Variants in NRG1 observed in about 807,000 individuals in gnomAD.
NRG1 encodes the protein pro-neuregulin-1, membrane-bound isoform.
Under a neutral mutation model 63.8 loss-of-function variants are expected in NRG1, and 18 were observed. The observed-to-expected ratio is 0.28, with a 90% CI of 0.19 to 0.42. The LOEUF (loss-of-function observed/expected upper bound fraction) is 0.42. Among genes scored for constraint, NRG1 ranks in the 10% least tolerant of loss-of-function variants. The probability of loss-of-function intolerance (pLI) is 1.00; values close to 1 mark genes in which losing one functional copy is unlikely to be tolerated. For synonymous variants in NRG1, 302 were observed against 301.3 expected (o/e 1.00, Z -0.02); for missense variants, 762 against 814.7 (o/e 0.94, Z 0.79).
At chr8:32,511,050 G>A (rs1036825846) in intron 1 of NRG1, among the ~76,000 whole-genome samples, 12 of 145,780 alleles carry the variant, frequency 8.2e-5, no homozygotes, top group African/African-American at 2.8e-4. Context: ...AAGAGACAAA[G>A]GCTAATTTTC....
intron 1 of NRG1, among the ~76,000 whole-genome samples, chr8:31,663,568 C>G (rs1266121972): frequency 2.0e-5 from 3 of 152,090 alleles, no homozygotes; most frequent in African/African-American, 4.8e-5. Context: ...TGTGGGTGTC[C>G]TACTGCACCC....
rs1193889989 is a variant in NRG1, at chr8:31,813,491, A to ATTTTCTTTTC, written c.37+174080_37+174089dup. Among the ~76,000 whole-genome samples the ATTTTCTTTTC allele has an allele frequency of 1.2e-3, 136 of 114,940 alleles. 2 individuals carry two copies. The highest frequency in any genetic ancestry group is 4.8e-3 in the East Asian group (13 of 2,696). 75.4% of individuals were successfully genotyped at this position (114,940 alleles called of 152,430 possible). On this transcript the variant is annotated intron_variant, in intron 1 of 10. Coordinates refer to the NRG1 transcript ENST00000519301. ...TTTGATCATTGACTTTGCTACAGGAATTTTCTTTTCTTTTCTTTTCTTTTC... is the reference window on the plus strand; with the variant it reads ...TTTGATCATTGACTTTGCTACAGGAATTTTCTTTTCTTTTCTTTTCTTTTCTTTTCTTTTC...
chr8:32,691,472 C>A (rs774853625), intron 5 of NRG1, among the ~76,000 whole-genome samples: 6 of 152,166 alleles, frequency 3.9e-5, no homozygotes, highest in Non-Finnish European at 8.8e-5. Context: ...CCTATTTTTC[C>A]AGGACCACAT....
At chr8:32,261,889 T>A (rs1228050467) in intron 1 of NRG1, among the ~76,000 whole-genome samples, 1 of 152,212 alleles carries the variant, frequency 6.6e-6, no homozygotes, top group Non-Finnish European at 1.5e-5. Context: ...TTATTAAGAC[T>A]ATCTTGCATT....
chr8:31,640,843 G>T lies in NRG1; in HGVS notation c.37+1412G>T. ...CAAGGCAGAGGCGCTCTGGGTCCCA[G>T]TTGTTGGTTTCAGGGTGGTGGGTTC... On this transcript the variant is annotated intron_variant, in intron 1 of 10. Transcript: ENST00000519301. The surrounding 1 kb of genome is among the most constrained non-coding windows in gnomAD (Gnocchi z 6.3). The T allele has an allele frequency of 3.6e-6, 5 of 1,404,994 alleles. No homozygotes were observed. Among genetic ancestry groups the T allele is most frequent in the East Asian group, 2.8e-5 (1 of 35,630 alleles). The allele number at this position is 1,404,994 out of a possible 1,614,324, so 87.0% of individuals were successfully genotyped here.
At chr8:32,670,326 A>G (rs1182249338) in intron 5 of NRG1, among the ~76,000 whole-genome samples, 1 of 152,096 alleles carries the variant, frequency 6.6e-6, no homozygotes, top group Non-Finnish European at 1.5e-5. Flanking sequence ...GGAAGTTACA[A>G]ATTCATTAAA....
At chr8:32,379,986 T>G (rs1360489084) in intron 1 of NRG1, among the ~76,000 whole-genome samples, 1 of 152,190 alleles carries the variant, frequency 6.6e-6, no homozygotes, top group Non-Finnish European at 1.5e-5. Flanking sequence ...CCTTCTTCCT[T>G]ACTGCACTGC....
chr8:32,344,374 CTTTCTTTCTCTT>C (rs1804517655), intron 1 of NRG1, among the ~76,000 whole-genome samples: 1 of 96,848 alleles, frequency 1.0e-5, no homozygotes, highest in African/African-American at 3.8e-5. Flanking sequence ...TTCTTTCTTT[CTTTCTTTCTCTT>C]TCTTTCTTTT....
chr8:32,291,236 A>T (rs2129474052), intron 1 of NRG1, among the ~76,000 whole-genome samples: 1 of 152,320 alleles, frequency 6.6e-6, no homozygotes, highest in South Asian at 2.1e-4. Flanking sequence ...TTAAATGTTA[A>T]TCTAATCTAA....
intron 1 of NRG1, among the ~76,000 whole-genome samples, chr8:31,958,098 G>GACA (rs1408585042): frequency 7.2e-5 from 11 of 152,070 alleles, no homozygotes; most frequent in Non-Finnish European, 1.3e-4. Context: ...CAGATAGATA[G>GACA]GCAGAGATGT....
At chr8:32,057,106 A>T (rs994421983) in intron 1 of NRG1, among the ~76,000 whole-genome samples, 2 of 152,192 alleles carry the variant, frequency 1.3e-5, no homozygotes, top group Non-Finnish European at 2.9e-5. Flanking sequence ...AAGATGGCAA[A>T]AAGTAGAATA....
At chr8:32,607,689 G>C (rs919519989) in intron 3 of NRG1, among the ~76,000 whole-genome samples, 1 of 152,090 alleles carries the variant, frequency 6.6e-6, no homozygotes, top group Admixed American at 6.5e-5. Flanking sequence ...TGAAGTCTTG[G>C]TCTAGTGATC....
chr8:32,073,377 A>C (rs1015944481), intron 1 of NRG1, among the ~76,000 whole-genome samples: 1 of 152,190 alleles, frequency 6.6e-6, no homozygotes, highest in African/African-American at 2.4e-5. Flanking sequence ...CTAAACTTGG[A>C]GGTAGAAAAT....
chr8:31,808,658 T>C (rs1441527596), intron 1 of NRG1, among the ~76,000 whole-genome samples: 2 of 152,084 alleles, frequency 1.3e-5, no homozygotes, highest in Admixed American at 6.6e-5. Context: ...TTGAGACCTG[T>C]GAGTAAAAAT....
chr8:32,234,169 AG>A (rs1232745383), intron 1 of NRG1, among the ~76,000 whole-genome samples: 3 of 152,226 alleles, frequency 2.0e-5, no homozygotes, highest in Non-Finnish European at 4.4e-5. Flanking sequence ...GAAAGATTGA[AG>A]GTTGCCAAAA....
chr8:32,051,300 A>G (rs969133815), intron 1 of NRG1, among the ~76,000 whole-genome samples: 2 of 152,184 alleles, frequency 1.3e-5, no homozygotes, highest in Admixed American at 6.6e-5. Flanking sequence ...TGCACTTGGA[A>G]TCCAGGGACC....
intron 1 of NRG1, among the ~76,000 whole-genome samples, chr8:31,643,701 T>G (rs1356795944): frequency 6.6e-6 from 1 of 152,242 alleles, no homozygotes; most frequent in Non-Finnish European, 1.5e-5. Flanking sequence ...CTAAGAAATA[T>G]CCTTGGGTTT....
intron 1 of NRG1, among the ~76,000 whole-genome samples, chr8:32,550,710 G>A (rs999129814): frequency 4.6e-5 from 7 of 152,134 alleles, no homozygotes; most frequent in Admixed American, 1.3e-4. Flanking sequence ...GATTAGCTAC[G>A]CTCTCTTGAC....
At chr8:31,831,132 C>T (rs899687524) in intron 1 of NRG1, among the ~76,000 whole-genome samples, 1 of 151,272 alleles carries the variant, frequency 6.6e-6, no homozygotes, top group Non-Finnish European at 1.5e-5. Flanking sequence ...GACAGAGTCT[C>T]ACTCTATCAC....
Sources: allele counts gnomAD v4.1 joint callset (sites outside exome capture counted in the v4.1 genomes callset), GRCh38; gene constraint gnomAD v4.1.1; non-coding constraint Gnocchi (gnomAD v3.1); transcripts MANE v1.5; gene names NCBI Gene and HGNC (gene_info 2026-07-23, HGNC 2026-07-21).